FAM13C: variants seen among roughly 807,000 people sequenced by gnomAD.
The protein encoded by FAM13C is family with sequence similarity 13 member C, also known as protein FAM13C.
In FAM13C, 37 loss-of-function variants were observed where a neutral mutation model predicts 73.2. The ratio of observed to expected loss-of-function variants is 0.51; its 90% CI spans 0.39 to 0.67. The LOEUF (loss-of-function observed/expected upper bound fraction) is 0.67, where lower values mean the gene tolerates loss of function less well. Among genes scored for constraint, FAM13C ranks in the 30% least tolerant of loss-of-function variants. The pLI is 0.00. For synonymous variants in FAM13C, 246 were observed against 260.9 expected (o/e 0.94, Z 0.55); for missense variants, 589 against 715.6 (o/e 0.82, Z 2.02).
chr10:59,314,544 A>G (rs1175851637), intron 4 of FAM13C, among the ~76,000 whole-genome samples: 1 of 152,132 alleles, frequency 6.6e-6, no homozygotes, highest in Non-Finnish European at 1.5e-5. Context: ...CAGGGGCTCT[A>G]TTAATGTGTT....
intron 3 of FAM13C, among the ~76,000 whole-genome samples, chr10:59,351,625 GA>G (rs1487424500): frequency 1.3e-5 from 2 of 152,128 alleles, no homozygotes; most frequent in Admixed American, 1.3e-4. Context: ...TCTGAGGCAC[GA>G]AAACATCCTG....
intron 1 of FAM13C, chr10:59,361,116 G>C: frequency 7.8e-7 from 1 of 1,288,944 alleles, no homozygotes; most frequent in Non-Finnish European, 1.0e-6. Flanking sequence ...CAGGCCTTTA[G>C]AAAAGCAACA....
chr10:59,331,710 TC>T (rs1177811662), intron 3 of FAM13C, among the ~76,000 whole-genome samples: 1 of 152,132 alleles, frequency 6.6e-6, no homozygotes, highest in Non-Finnish European at 1.5e-5. Context: ...GAGATGACTG[TC>T]ACTTGGATGA....
Position 59,258,757 on chromosome 10 carries a change from A to G in FAM13C, c.1236+3677T>C, listed in dbSNP as rs377378454. ...ATAGGAAAGCAGAAAGTTTGATGGG[A>G]TCTTCCTTTTCATGCCCTTTATCTC... On this transcript the variant is annotated intron_variant, in intron 10 of 13. Transcript: ENST00000618804. Among the ~76,000 whole-genome samples, 22 of 152,326 alleles carry G rather than the reference A, an allele frequency of 1.4e-4. No individual in the cohort carries two copies. The East Asian group carries it at 1.7e-3, about 12-fold the overall frequency.
intron 2 of FAM13C, among the ~76,000 whole-genome samples, chr10:59,353,072 C>T (rs142277967): frequency 6.6e-6 from 1 of 152,216 alleles, no homozygotes; most frequent in African/African-American, 2.4e-5. Flanking sequence ...CTCAACCAGG[C>T]CCTCTGAACA....
intron 4 of FAM13C, among the ~76,000 whole-genome samples, chr10:59,310,862 T>C (rs1589558748): frequency 6.6e-6 from 1 of 152,308 alleles, no homozygotes; most frequent in East Asian, 1.9e-4. Flanking sequence ...CCAAACCTAC[T>C]TAATCAGAAT....
At chr10:59,298,973 G>C (rs892826434) in intron 5 of FAM13C, among the ~76,000 whole-genome samples, 1 of 152,098 alleles carries the variant, frequency 6.6e-6, no homozygotes, top group African/African-American at 2.4e-5. Context: ...GGAAGGAGGT[G>C]GACAGGGAAA....
chr10:59,253,029 T>C (rs1841557849), intron 11 of FAM13C, 31 bp from the exon 12 acceptor site: 1 of 1,605,870 alleles, frequency 6.2e-7, no homozygotes, highest in African/African-American at 1.3e-5. Flanking sequence ...AGAAAGAAAG[T>C]CATGTAATGC....
chr10:59,256,481 G>A (rs1426830050), intron 10 of FAM13C, among the ~76,000 whole-genome samples: 4 of 152,110 alleles, frequency 2.6e-5, no homozygotes, highest in African/African-American at 7.2e-5. Context: ...ACAAAAATTC[G>A]GGAACAAGTA....
chr10:59,324,145 A>G, intron 3 of FAM13C, 39 bp from the exon 4 acceptor site: 3 of 1,509,500 alleles, frequency 2.0e-6, no homozygotes, highest in South Asian at 1.2e-5. Flanking sequence ...AGCTGTCAAC[A>G]GCAATCAGTT....
chr10:59,258,605 T>G (rs1479851240), intron 10 of FAM13C, among the ~76,000 whole-genome samples: 2 of 152,194 alleles, frequency 1.3e-5, no homozygotes, highest in Non-Finnish European at 1.5e-5. Context: ...GTGGGAGACC[T>G]CAGAGCTGGA....
At chr10:59,356,047 T>C (rs1355850634) in intron 1 of FAM13C, 104 bp from the exon 2 acceptor site, 3 of 1,037,628 alleles carry the variant, frequency 2.9e-6, no homozygotes, top group Non-Finnish European at 3.0e-6. Flanking sequence ...AACTAAAAGA[T>C]GAAACACTCC....
chr10:59,263,830 T>G, intron 9 of FAM13C: 1 of 469,502 alleles, frequency 2.1e-6, no homozygotes, highest in Non-Finnish European at 3.9e-6. Flanking sequence ...CATGTTGAAA[T>G]GTTCCTGGCA....
At chr10:59,268,523 C>T (rs372903744) in intron 8 of FAM13C, 30 bp downstream of exon 8, 91 of 1,611,268 alleles carry the variant, frequency 5.6e-5, no homozygotes, top group African/African-American at 1.7e-4. Context: ...CTGACCAATC[C>T]GCTCCTATGT....
rs753090087 is a variant in FAM13C, at chr10:59,302,868, T to C, written c.444-4A>G. 2.5e-6 allele frequency: 4 copies of C among 1,612,276 alleles called. No homozygotes were observed. The South Asian group carries it at 3.3e-5, about 13-fold the overall frequency. On this transcript the variant is annotated splice_region_variant and splice_polypyrimidine_tract_variant and intron_variant, in intron 4 of 13. Coordinates refer to ENST00000618804, the MANE Select transcript of FAM13C (RefSeq NM_198215.4). The stretch of plus-strand genomic sequence containing the variant: ...AATGGCAGTCCTCTGGTCTATTCTA[T>C]AAAATACAAAGAAAAATTATTTCCA...
Position 59,362,473 on chromosome 10 carries a change from G to C in FAM13C, c.-13C>G. Reference sequence around the variant, plus strand: ...AACAAGAAAACATCAGCCAAGTCTGGCCGGGGAGCCGTCTCCCTGATTGCT... The same window carrying C: ...AACAAGAAAACATCAGCCAAGTCTGCCCGGGGAGCCGTCTCCCTGATTGCT... On this transcript the variant is annotated 5_prime_UTR_variant, in exon 1 of 14. Transcript: ENST00000618804. The C allele has an allele frequency of 6.2e-7, 1 of 1,611,784 alleles. No homozygotes were observed. Among genetic ancestry groups the C allele is most frequent in the Non-Finnish European group, 8.5e-7 (1 of 1,178,942 alleles).
intron 5 of FAM13C, chr10:59,297,369 C>A (rs1329569790): frequency 1.3e-5 from 2 of 152,194 alleles, no homozygotes; most frequent in African/African-American, 4.8e-5. Context: ...CTACTCTCTA[C>A]CTCACAGTTA....
At chr10:59,362,774 C>T, upstream of FAM13C, 1 of 441,284 alleles carries the variant, frequency 2.3e-6, no homozygotes, top group Non-Finnish European at 3.9e-6. Flanking sequence ...AGCCCAGGCG[C>T]CGCGTTTAAT....
intron 2 of FAM13C, among the ~76,000 whole-genome samples, chr10:59,353,283 G>A (rs992211505): frequency 2.0e-5 from 3 of 152,102 alleles, no homozygotes; most frequent in Non-Finnish European, 4.4e-5. Flanking sequence ...ACTCTTATTT[G>A]AAGCCATTCT....
Sources: gnomAD v4.1 joint callset for allele counts (sites outside exome capture counted in the v4.1 genomes callset) on GRCh38, gnomAD v4.1.1 for gene constraint, MANE v1.5 for transcripts, NCBI Gene and HGNC (gene_info 2026-07-23, HGNC 2026-07-21) for gene names.